The following APPL2 variants were observed in gnomAD, a reference collection of about 807,000 sequenced individuals.
APPL2 encodes DCC-interacting protein 13-beta.
A neutral mutation model predicts 92.7 loss-of-function variants in APPL2; 84 were observed. That is an observed-to-expected ratio of 0.91 (90% confidence interval 0.76 to 1.09). The LOEUF is 1.09. Ranked by LOEUF, APPL2 falls within the 50% of genes least tolerant of loss-of-function variation. APPL2 has a pLI of 0.00. For synonymous variants in APPL2, 291 were observed against 291.0 expected (o/e 1.00, Z 0.00); for missense variants, 736 against 824.5 (o/e 0.89, Z 1.31).
intron 14 of APPL2, among the ~76,000 whole-genome samples, chr12:105,191,048 A>G (rs1887149428): frequency 6.6e-6 from 1 of 152,226 alleles, no homozygotes; most frequent in South Asian, 2.1e-4. Flanking sequence ...CTTTCTGTTC[A>G]TTTGATATGT....
chr12:105,208,895 C>G (rs1325547332), intron 5 of APPL2, among the ~76,000 whole-genome samples: 1 of 152,228 alleles, frequency 6.6e-6, no homozygotes, highest in Non-Finnish European at 1.5e-5. Flanking sequence ...TTCTACAATT[C>G]TACAACAATC....
At chr12:105,203,610 CCA>C in intron 9 of APPL2, 91 bp downstream of exon 9, 1 of 1,193,798 alleles carries the variant, frequency 8.4e-7, no homozygotes, top group South Asian at 1.3e-5. Context: ...GTGCGACCCT[CCA>C]CAGTTAGAAC....
intron 3 of APPL2, among the ~76,000 whole-genome samples, chr12:105,217,462 C>A (rs558097788): frequency 1.7e-4 from 26 of 152,298 alleles, no homozygotes; most frequent in African/African-American, 6.0e-4. Flanking sequence ...CAGTTAATTA[C>A]TTCTAGAGGC....
chr12:105,214,085 C>G (rs1341327164), intron 4 of APPL2, among the ~76,000 whole-genome samples: 1 of 152,142 alleles, frequency 6.6e-6, no homozygotes, highest in Non-Finnish European at 1.5e-5. Flanking sequence ...CTTGGAAAGG[C>G]TGAGGCAGGA....
chr12:105,176,092 A>T lies in APPL2; in HGVS notation c.1813-10T>A. On this transcript the variant is annotated splice_polypyrimidine_tract_variant and intron_variant, in intron 19 of 20. Transcript: ENST00000258530. The stretch of plus-strand genomic sequence containing the variant: ...TAATAGCATAACATATCTGCAAAAG[A>T]CAAGAAAAGTAGTGATTGGCAAAAG... 1 of 1,592,700 alleles carries T rather than the reference A, an allele frequency of 6.3e-7. No individual in the cohort carries two copies. The highest frequency in any genetic ancestry group is 8.5e-7 in the Non-Finnish European group (1 of 1,172,326).
At chr12:105,196,958 C>T (rs1220802266) in intron 11 of APPL2, among the ~76,000 whole-genome samples, 1 of 152,198 alleles carries the variant, frequency 6.6e-6, no homozygotes, top group East Asian at 1.9e-4. Context: ...TAAAGCTGCT[C>T]TGCCAAGCTG....
intron 2 of APPL2, among the ~76,000 whole-genome samples, chr12:105,218,307 G>A (rs751811639): frequency 6.6e-6 from 1 of 152,126 alleles, no homozygotes; most frequent in African/African-American, 2.4e-5. Flanking sequence ...TGCTCCTTCT[G>A]GTCAGTCAGT....
intron 2 of APPL2, among the ~76,000 whole-genome samples, chr12:105,219,815 C>T (rs561616192): frequency 3.9e-5 from 6 of 152,342 alleles, no homozygotes; most frequent in Admixed American, 1.3e-4. Context: ...CTGAAAATCT[C>T]GTGCTCCTTC....
intron 9 of APPL2, among the ~76,000 whole-genome samples, chr12:105,202,110 G>C (rs372412308): frequency 3.1e-4 from 47 of 152,336 alleles, no homozygotes; most frequent in Middle Eastern, 3.4e-3. Context: ...ATTCAAAACA[G>C]TACTTTAGCT....
chr12:105,175,037 C>G (rs1203167667), intron 20 of APPL2, among the ~76,000 whole-genome samples: 1 of 152,120 alleles, frequency 6.6e-6, no homozygotes, highest in African/African-American at 2.4e-5. Context: ...GTGTGCACCA[C>G]CACACCCGGC....
chr12:105,212,834 A>G (rs952975376), intron 4 of APPL2, among the ~76,000 whole-genome samples: 1 of 152,178 alleles, frequency 6.6e-6, no homozygotes, highest in African/African-American at 2.4e-5. Context: ...CCACTCTTAC[A>G]AGCTTAAAGA....
chr12:105,182,727 A>G (rs1886230693), intron 17 of APPL2, among the ~76,000 whole-genome samples: 1 of 152,184 alleles, frequency 6.6e-6, no homozygotes, highest in Non-Finnish European at 1.5e-5. Flanking sequence ...AAGAATGTAT[A>G]TTTTGTTGAT....
chr12:105,235,900 G>A, intron 1 of APPL2, 59 bp downstream of exon 1: 1 of 1,213,778 alleles, frequency 8.2e-7, no homozygotes, highest in African/African-American at 1.6e-5. Flanking sequence ...CTCCGGGGCT[G>A]GAGGGGCCTC....
rs1885273200 is a variant in APPL2, at chr12:105,174,354, CCAT to C, written c.1952_1954del (p.Asp651del). Reference sequence around the variant, plus strand: ...TGCGCCTCTATGTTCGTTTGGATTTCCATCATCGTCATCTGGTTGATCGTTTAA... The same window carrying C: ...TGCGCCTCTATGTTCGTTTGGATTTCCATCGTCATCTGGTTGATCGTTTAA... On this transcript the variant is annotated inframe_deletion, in exon 21 of 21. Coordinates refer to ENST00000258530, the MANE Select transcript of APPL2 (RefSeq NM_018171.5). The C allele has an allele frequency of 1.2e-6, 2 of 1,613,914 alleles. No individual in the cohort carries two copies. Among genetic ancestry groups the C allele is most frequent in the African/African-American group, 1.3e-5 (1 of 74,902 alleles).
chr12:105,222,130 T>C (rs1240149462), intron 2 of APPL2, among the ~76,000 whole-genome samples: 5 of 151,914 alleles, frequency 3.3e-5, no homozygotes, highest in African/African-American at 1.2e-4. Flanking sequence ...CAGGGAGTAG[T>C]GAGGGGTGTG....
chr12:105,211,409 C>T (rs1592812757), intron 4 of APPL2, 92 bp from the exon 5 acceptor site: 9 of 905,176 alleles, frequency 9.9e-6, no homozygotes, highest in African/African-American at 1.7e-5. Flanking sequence ...TGAACACTTC[C>T]GTGTGGTCAC....
Position 105,173,471 on chromosome 12 carries a change from G to GAAAT in APPL2, c.*839_*842dup, listed in dbSNP as rs1885182077. The GAAAT allele has an allele frequency of 6.6e-6, 1 of 152,608 alleles. No individual in the cohort carries two copies. The highest frequency in any genetic ancestry group is 2.1e-4 in the South Asian group (1 of 4,832). 9.5% of individuals were successfully genotyped at this position (152,608 alleles called of 1,614,324 possible). A position where few individuals can be genotyped will look rare whatever the true frequency, so the allele number is the denominator to read the frequency against. On this transcript the variant is annotated 3_prime_UTR_variant, in exon 21 of 21. Coordinates refer to ENST00000258530, the MANE Select transcript of APPL2 (RefSeq NM_018171.5). Reference sequence around the variant, plus strand: ...TCCAGGAATTGGAAGTATCAGGGTGGAAATAGGAACTTTATACCAAGCCCC... The same window carrying GAAAT: ...TCCAGGAATTGGAAGTATCAGGGTGGAAATAAATAGGAACTTTATACCAAGCCCC...
chr12:105,208,274 C>A, intron 5 of APPL2, 75 bp from the exon 6 acceptor site: 2 of 1,560,708 alleles, frequency 1.3e-6, no homozygotes, highest in South Asian at 2.2e-5. Context: ...GCACTTTCCC[C>A]TGAAAATAAG....
At chr12:105,197,647 T>C in intron 11 of APPL2, 118 bp downstream of exon 11, 1 of 1,266,116 alleles carries the variant, frequency 7.9e-7, no homozygotes, top group East Asian at 2.5e-5. Flanking sequence ...AGGTCAACAA[T>C]ACCCAGATTG....
Sources: gnomAD v4.1 joint callset for allele counts (sites outside exome capture counted in the v4.1 genomes callset) on GRCh38, gnomAD v4.1.1 for gene constraint, MANE v1.5 for transcripts, NCBI Gene and HGNC (gene_info 2026-07-23, HGNC 2026-07-21) for gene names.